ZCCHC24: variants seen among roughly 807,000 people sequenced by gnomAD.
ZCCHC24 encodes the protein zinc finger CCHC-type containing 24.
In ZCCHC24, 10 loss-of-function variants were observed where a neutral mutation model predicts 26.2. The ratio of observed to expected loss-of-function variants is 0.38; its 90% CI spans 0.24 to 0.65. The LOEUF is 0.65. Ranked by LOEUF, ZCCHC24 falls within the 30% of genes least tolerant of loss-of-function variation. The pLI, the probability that ZCCHC24 is intolerant of heterozygous loss-of-function variation, is 0.54. For synonymous variants in ZCCHC24, 144 were observed against 147.1 expected (o/e 0.98, Z 0.15); for missense variants, 243 against 329.1 (o/e 0.74, Z 2.03).
intron 1 of ZCCHC24, among the ~76,000 whole-genome samples, chr10:79,436,673 CG>C (rs1857221580): frequency 6.6e-6 from 1 of 152,208 alleles, no homozygotes; most frequent in Non-Finnish European, 1.5e-5. Context: ...GCCCTGGGTG[CG>C]ATGGTCACCA....
chr10:79,426,438 T>C (rs1032352715), intron 2 of ZCCHC24, among the ~76,000 whole-genome samples: 2 of 152,276 alleles, frequency 1.3e-5, no homozygotes, highest in Non-Finnish European at 2.9e-5. Context: ...CCAAATCTGA[T>C]GAAAAAATTT....
At chr10:79,404,543 C>G (rs947005057) in intron 2 of ZCCHC24, among the ~76,000 whole-genome samples, 22 of 152,302 alleles carry the variant, frequency 1.4e-4, no homozygotes, top group East Asian at 9.7e-4. Flanking sequence ...GATGGAAGAT[C>G]TGCAGCCACC....
At chr10:79,402,906 G>A (rs1411113019) in intron 2 of ZCCHC24, among the ~76,000 whole-genome samples, 3 of 152,158 alleles carry the variant, frequency 2.0e-5, no homozygotes, top group Non-Finnish European at 2.9e-5. Flanking sequence ...TCCGACCCTG[G>A]CCACCACCTC....
intron 2 of ZCCHC24, among the ~76,000 whole-genome samples, chr10:79,412,577 C>CA (rs1191375383): frequency 6.6e-6 from 1 of 152,246 alleles, no homozygotes; most frequent in East Asian, 1.9e-4. Flanking sequence ...GGAAAACAGG[C>CA]AACCACTAGC....
intron 2 of ZCCHC24, among the ~76,000 whole-genome samples, chr10:79,404,032 A>G (rs1264797728): frequency 6.6e-6 from 1 of 152,052 alleles, no homozygotes; most frequent in Non-Finnish European, 1.5e-5. Flanking sequence ...GTCAGAGCAG[A>G]TAAGAGGAGA....
intron 2 of ZCCHC24, among the ~76,000 whole-genome samples, chr10:79,405,912 T>G (rs1856705672): frequency 6.6e-6 from 1 of 152,258 alleles, no homozygotes; most frequent in Admixed American, 6.5e-5. Context: ...CACTGCTGCC[T>G]GGCAAGAGGC....
chr10:79,440,941 A>T (rs993081716), intron 1 of ZCCHC24, among the ~76,000 whole-genome samples: 5 of 152,308 alleles, frequency 3.3e-5, no homozygotes, highest in Middle Eastern at 3.4e-3. Context: ...CTCAGCCAAC[A>T]GCTTCTCAAA....
At chr10:79,437,371 T>C (rs975958647) in intron 1 of ZCCHC24, among the ~76,000 whole-genome samples, 4 of 152,196 alleles carry the variant, frequency 2.6e-5, no homozygotes, top group African/African-American at 4.8e-5. Context: ...ACTCTGATCA[T>C]GCGGTGTGTC....
At chr10:79,434,343 C>T (rs763344858) in intron 1 of ZCCHC24, among the ~76,000 whole-genome samples, 2 of 152,198 alleles carry the variant, frequency 1.3e-5, no homozygotes, top group Non-Finnish European at 2.9e-5. Flanking sequence ...GCCTGATGGG[C>T]ACTCCAGCTC....
chr10:79,386,940 G>T (rs1856405782), intron 3 of ZCCHC24, among the ~76,000 whole-genome samples: 1 of 152,172 alleles, frequency 6.6e-6, no homozygotes, highest in Non-Finnish European at 1.5e-5. Flanking sequence ...CAGCAACGGA[G>T]GCCTGGACCC....
At chr10:79,411,507 GA>G (rs1856791266) in intron 2 of ZCCHC24, among the ~76,000 whole-genome samples, 1 of 152,218 alleles carries the variant, frequency 6.6e-6, no homozygotes, top group South Asian at 2.1e-4. Context: ...TGCAGCGGAA[GA>G]AAACCCAGGA....
chr10:79,438,273 A>C (rs200405816), intron 1 of ZCCHC24, among the ~76,000 whole-genome samples: 1 of 152,154 alleles, frequency 6.6e-6, no homozygotes, highest in African/African-American at 2.4e-5. Flanking sequence ...ACAAGAGATC[A>C]TTCATCTCGC....
At chr10:79,428,009 T>C (rs1308271777) in intron 2 of ZCCHC24, among the ~76,000 whole-genome samples, 1 of 152,080 alleles carries the variant, frequency 6.6e-6, no homozygotes, top group African/African-American at 2.4e-5. Flanking sequence ...AGCAAGCTGA[T>C]GGAAGGAAAT....
chr10:79,421,359 A>T (rs542295188), intron 2 of ZCCHC24, among the ~76,000 whole-genome samples: 150 of 152,230 alleles, frequency 9.9e-4, no homozygotes, highest in African/African-American at 3.4e-3. Flanking sequence ...CTGCTATGCC[A>T]TCTGCCCTAG....
Position 79,387,302 on chromosome 10 carries a change from AG to A in ZCCHC24, c.613-845del, listed in dbSNP as rs202199256. Among the ~76,000 whole-genome samples the A allele has an allele frequency of 4.9e-3, 739 of 152,224 alleles. 2 individuals are homozygous for A. Among genetic ancestry groups the A allele is most frequent in the African/African-American group, 0.017 (695 of 41,546 alleles). ...GGGCCATTCACAGTGCCTCATTTGC[AG>A]GGGACTGGGAGGATCCAGAGAGACG... On this transcript the variant is annotated intron_variant, in intron 3 of 3. Coordinates refer to ENST00000372336, the MANE Select transcript of ZCCHC24 (RefSeq NM_153367.4).
At chr10:79,386,897 G>A (rs1190692759) in intron 3 of ZCCHC24, among the ~76,000 whole-genome samples, 1 of 152,182 alleles carries the variant, frequency 6.6e-6, no homozygotes, top group Admixed American at 6.5e-5. Context: ...CAGGACACGG[G>A]TGCAGCCTGT....
intron 2 of ZCCHC24, among the ~76,000 whole-genome samples, chr10:79,423,716 G>T (rs1182195268): frequency 6.7e-6 from 1 of 148,850 alleles, no homozygotes; most frequent in Non-Finnish European, 1.5e-5. Flanking sequence ...ATACAAATAG[G>T]CAAATAGAAA....
chr10:79,422,261 T>C (rs1383429791), intron 2 of ZCCHC24, among the ~76,000 whole-genome samples: 1 of 152,000 alleles, frequency 6.6e-6, no homozygotes, highest in East Asian at 1.9e-4. Context: ...CTCCCTGGGC[T>C]CTAGCCACTC....
intron 2 of ZCCHC24, among the ~76,000 whole-genome samples, chr10:79,395,810 CCACA>C (rs140893756): frequency 0.012 from 1,860 of 152,240 alleles, 45 homozygotes; most frequent in African/African-American, 0.042. Context: ...TAGCTATCTC[CCACA>C]CAGTGTTATT....
Sources: gnomAD v4.1 joint callset for allele counts (sites outside exome capture counted in the v4.1 genomes callset) on GRCh38, gnomAD v4.1.1 for gene constraint, MANE v1.5 for transcripts, NCBI Gene and HGNC (gene_info 2026-07-23, HGNC 2026-07-21) for gene names.